MGRN1: variants seen among roughly 807,000 people sequenced by gnomAD.
The protein encoded by MGRN1 is E3 ubiquitin-protein ligase MGRN1.
In MGRN1, 29 loss-of-function variants were observed where a neutral mutation model predicts 69.2. The ratio of observed to expected loss-of-function variants is 0.42; its 90% CI spans 0.31 to 0.57. MGRN1 has a LOEUF of 0.57. Among genes scored for constraint, MGRN1 ranks in the 20% least tolerant of loss-of-function variants. The probability of loss-of-function intolerance (pLI) is 0.15; values close to 1 mark genes in which losing one functional copy is unlikely to be tolerated. For missense variants in MGRN1, 998 were observed against 796.2 expected, an observed-to-expected ratio of 1.25 and a Z score of -3.05; for synonymous variants, 470 against 344.2, an observed-to-expected ratio of 1.37 and a Z score of -4.04.
chr16:4,653,880 G>T (rs1259687692), intron 4 of MGRN1, among the ~76,000 whole-genome samples: 1 of 152,172 alleles, frequency 6.6e-6, no homozygotes, highest in Non-Finnish European at 1.5e-5. Context: ...AGCCTCCCGA[G>T]TAGCTGGGAT....
chr16:4,631,039 C>G lies in MGRN1; in HGVS notation c.88+5991C>G, dbSNP rs559212616. On this transcript the variant is annotated intron_variant, in intron 1 of 16. Transcript: ENST00000262370. ...GTTTCACCGTGTTGTCCAGGCTGGC[C>G]TCAAAGTCCTGGACTCAAGCAATCT... 1.1e-4 allele frequency among the ~76,000 whole-genome samples: 17 copies of G among 151,974 alleles called. No homozygotes were observed. In the South Asian group the frequency reaches 2.1e-3, roughly 19 times the overall value.
At chr16:4,628,114 C>T (rs113789660) in intron 1 of MGRN1, among the ~76,000 whole-genome samples, 8,230 of 146,086 alleles carry the variant, frequency 0.056, 375 homozygotes, top group Middle Eastern at 0.079. Flanking sequence ...TGGGTGGGTG[C>T]GGTGGCTCAC....
chr16:4,634,818 C>T (rs868198005), intron 1 of MGRN1: 5 of 152,242 alleles, frequency 3.3e-5, no homozygotes, highest in Non-Finnish European at 5.9e-5. Context: ...TCATCCAGCT[C>T]GCGGGGGACT....
At chr16:4,655,440 G>A (rs984044998) in intron 4 of MGRN1, among the ~76,000 whole-genome samples, 7 of 152,038 alleles carry the variant, frequency 4.6e-5, no homozygotes, top group African/African-American at 1.7e-4. Flanking sequence ...CACAAGGCCA[G>A]CTTCCCCTCC....
At chr16:4,656,913 A>G (rs1175334294) in intron 4 of MGRN1, among the ~76,000 whole-genome samples, 1 of 151,836 alleles carries the variant, frequency 6.6e-6, no homozygotes, top group African/African-American at 2.4e-5. Context: ...AAATAAATAA[A>G]TAAATAAATA....
intron 8 of MGRN1, 128 bp downstream of exon 8, chr16:4,668,440 CTCATACACAT>C (rs1237756703): frequency 6.5e-6 from 6 of 926,580 alleles, no homozygotes; most frequent in East Asian, 2.6e-5. Context: ...CTCATACACA[CTCATACACAT>C]TCACTTGCAC....
At chr16:4,684,484 C>T (rs1353068392) in intron 16 of MGRN1, among the ~76,000 whole-genome samples, 2 of 152,244 alleles carry the variant, frequency 1.3e-5, no homozygotes, top group South Asian at 2.1e-4. Flanking sequence ...GGTCACCCTG[C>T]CCCGGGCCTG....
At chr16:4,686,336 C>CT (rs759814375) in intron 16 of MGRN1, 94 of 1,540,582 alleles carry the variant, frequency 6.1e-5, no homozygotes, top group Middle Eastern at 1.7e-4. Flanking sequence ...TTCGGGGGCT[C>CT]TGACGCGCGT....
intron 5 of MGRN1, 54 bp from the exon 6 acceptor site, chr16:4,664,655 G>A (rs1490809388): frequency 5.7e-6 from 9 of 1,589,538 alleles, no homozygotes; most frequent in Non-Finnish European, 7.8e-6. Context: ...CCGACTCCAG[G>A]CTTCCAGGCT....
chr16:4,684,317 C>G (rs781114953), intron 16 of MGRN1, among the ~76,000 whole-genome samples: 3 of 152,360 alleles, frequency 2.0e-5, no homozygotes, highest in East Asian at 1.9e-4. Context: ...CATGTTCCCC[C>G]ACTCCTGGTC....
intron 4 of MGRN1, 70 bp downstream of exon 4, chr16:4,652,894 C>G (rs923083165): frequency 6.8e-7 from 1 of 1,471,618 alleles, no homozygotes; most frequent in African/African-American, 1.4e-5. Flanking sequence ...CTTCTGTCCA[C>G]CTTACTAACC....
In MGRN1 at chr16:4,688,935, G is replaced by A. The variant is rs980681829; in HGVS notation, c.*27G>A. 29 of 1,525,586 alleles carry A rather than the reference G, an allele frequency of 1.9e-5. No homozygotes were observed. In the Middle Eastern group the frequency reaches 1.5e-3, roughly 77 times the overall value. 94.5% of individuals were successfully genotyped at this position (1,525,586 alleles called of 1,614,324 possible). ...AGCCTGGCCGAGCTGGCAGCATGGA[G>A]CCCTCGGCTCCCCAGACTTTGCCGA... On this transcript the variant is annotated 3_prime_UTR_variant, in exon 17 of 17. Transcript: ENST00000262370.
chr16:4,650,352 C>G lies in MGRN1; in HGVS notation c.89-13C>G, dbSNP rs554252448. The G allele has an allele frequency of 2.6e-5, 41 of 1,555,096 alleles. No homozygotes were observed. In the South Asian group the frequency reaches 4.7e-4, roughly 18 times the overall value. On this transcript the variant is annotated splice_polypyrimidine_tract_variant and intron_variant, in intron 1 of 16. Coordinates refer to ENST00000262370, the MANE Select transcript of MGRN1 (RefSeq NM_015246.4). ...AAAAAAAAATCTATAATCGTGTTTC[C>G]TTTTTTAAACAGGAAACTACTTTGC... is the stretch of plus-strand genomic sequence containing the variant.
rs199782804 is a variant in MGRN1, at chr16:4,682,865, G to A, written c.1401G>A (p.Glu467=). The A allele has an allele frequency of 2.4e-5, 38 of 1,609,640 alleles. No individual in the cohort carries two copies. In the African/African-American group the frequency reaches 4.5e-4, roughly 19 times the overall value. The change falls in exon 14 of 17, where the codon GAG becomes GAA. Residue 467 remains glutamate (E), a synonymous_variant. Transcript: ENST00000262370. ...CTTCCCCCATCCACGAAGAGGATGA[G>A]GAGAAGCTCTCCGAGGACGTGGACG... is the stretch of plus-strand genomic sequence containing the variant. ...SPSSPIHEED[E]EKLSEDVDAP...
chr16:4,630,608 C>T (rs1001047291), intron 1 of MGRN1, among the ~76,000 whole-genome samples: 14 of 151,456 alleles, frequency 9.2e-5, no homozygotes, highest in East Asian at 7.9e-4. Flanking sequence ...CCACCACGCC[C>T]GGCTAATTTT....
intron 15 of MGRN1, 66 bp from the exon 16 acceptor site, chr16:4,683,777 G>A: frequency 2.1e-6 from 3 of 1,440,880 alleles, no homozygotes; most frequent in Non-Finnish European, 2.9e-6. Flanking sequence ...ACGGCCTCCT[G>A]CCCAGAGGGA....
At chr16:4,685,271 T>C (rs1194481107) in intron 16 of MGRN1, among the ~76,000 whole-genome samples, 3 of 152,316 alleles carry the variant, frequency 2.0e-5, no homozygotes, top group East Asian at 3.9e-4. Flanking sequence ...TGATATCTGA[T>C]CCTGCAGGGT....
At chr16:4,625,505 C>T (rs1233972327) in intron 1 of MGRN1, among the ~76,000 whole-genome samples, 1 of 152,206 alleles carries the variant, frequency 6.6e-6, no homozygotes, top group African/African-American at 2.4e-5. Context: ...GGCAATTTCC[C>T]TCCCATCAGG....
At chr16:4,643,615 A>C (rs572778932) in intron 1 of MGRN1, among the ~76,000 whole-genome samples, 6 of 150,496 alleles carry the variant, frequency 4.0e-5, no homozygotes, top group African/African-American at 1.2e-4. Context: ...CTCGTGATCC[A>C]CCTGCCTTGG....
Sources: allele counts gnomAD v4.1 joint callset (sites outside exome capture counted in the v4.1 genomes callset), GRCh38; gene constraint gnomAD v4.1.1; transcripts MANE v1.5; gene names NCBI Gene and HGNC (gene_info 2026-07-23, HGNC 2026-07-21).